Variants in TEK observed in about 807,000 individuals in gnomAD.
TEK encodes the protein TEK receptor tyrosine kinase, also known as angiopoietin-1 receptor.
Under a neutral mutation model 131.8 loss-of-function variants are expected in TEK, and 43 were observed. The observed-to-expected ratio is 0.33, with a 90% CI of 0.26 to 0.42. TEK has a LOEUF of 0.42. Ranked by LOEUF, TEK falls within the 10% of genes least tolerant of loss-of-function variation. The pLI is 1.00. For synonymous variants in TEK, 580 were observed against 491.6 expected (o/e 1.18, Z -2.38); for missense variants, 1,162 against 1,384.4 (o/e 0.84, Z 2.55).
intron 1 of TEK, among the ~76,000 whole-genome samples, chr9:27,118,748 A>G (rs1444357910): frequency 6.6e-6 from 1 of 152,182 alleles, no homozygotes; most frequent in Non-Finnish European, 1.5e-5. Flanking sequence ...TCTGCCAATC[A>G]CTGGTCACAG....
chr9:27,190,408 T>C (rs1181482947), intron 9 of TEK, 121 bp from the exon 10 acceptor site: 1 of 1,213,712 alleles, frequency 8.2e-7, no homozygotes. Flanking sequence ...TCACTGAGTC[T>C]GAGCAGAAAA....
intron 18 of TEK, among the ~76,000 whole-genome samples, chr9:27,214,491 T>C (rs1825746146): frequency 6.6e-6 from 1 of 152,210 alleles, no homozygotes; most frequent in Non-Finnish European, 1.5e-5. Context: ...GCACACCAAA[T>C]TGTCTCTTAG....
At position 27,142,993 on chromosome 9, in the gene TEK, C is replaced by T. The variant is rs182590597; in HGVS notation, c.53-14838C>T. Among the ~76,000 whole-genome samples the T allele has an allele frequency of 1.3e-3, 194 of 152,304 alleles. 2 individuals are homozygous for T. The highest frequency in any genetic ancestry group is 4.4e-3 in the African/African-American group (183 of 41,568). Reference sequence around the variant, plus strand: ...ATTGAAACACTGCTATTGTGAAACACAACTAGCAAACACTTGATAGTAGTG... The same window carrying T: ...ATTGAAACACTGCTATTGTGAAACATAACTAGCAAACACTTGATAGTAGTG... On this transcript the variant is annotated intron_variant, in intron 1 of 22. Transcript: ENST00000380036.
At chr9:27,200,283 A>G (rs890281123) in intron 12 of TEK, among the ~76,000 whole-genome samples, 6 of 152,174 alleles carry the variant, frequency 3.9e-5, no homozygotes, top group African/African-American at 9.7e-5. Flanking sequence ...ATGAATCACT[A>G]TTTCCTATTT....
At chr9:27,116,545 A>G (rs1292582840) in intron 1 of TEK, among the ~76,000 whole-genome samples, 1 of 152,156 alleles carries the variant, frequency 6.6e-6, no homozygotes, top group Admixed American at 6.5e-5. Context: ...GGCCTCCCAA[A>G]GTGCTGGGAT....
intron 13 of TEK, 27 bp from the exon 14 acceptor site, chr9:27,204,884 C>G: frequency 1.2e-6 from 2 of 1,613,190 alleles, no homozygotes; most frequent in Non-Finnish European, 1.7e-6. Context: ...ACTAAACTAC[C>G]TGCTTCACCT....
At chr9:27,113,396 C>T (rs1187462584) in intron 1 of TEK, among the ~76,000 whole-genome samples, 2 of 152,064 alleles carry the variant, frequency 1.3e-5, no homozygotes, top group Non-Finnish European at 2.9e-5. Context: ...CAAGACCATC[C>T]TAGCCAACAT....
At chr9:27,122,426 G>A (rs1189082915) in intron 1 of TEK, among the ~76,000 whole-genome samples, 1 of 152,270 alleles carries the variant, frequency 6.6e-6, no homozygotes, top group African/African-American at 2.4e-5. Context: ...TGAAAATTTG[G>A]GATAAAATGT....
At chr9:27,162,950 G>T (rs1350083570) in intron 2 of TEK, among the ~76,000 whole-genome samples, 3 of 152,134 alleles carry the variant, frequency 2.0e-5, no homozygotes, top group African/African-American at 7.2e-5. Flanking sequence ...TCCCGACCTT[G>T]TGATCCACCC....
intron 1 of TEK, among the ~76,000 whole-genome samples, chr9:27,136,546 C>CA (rs1564051423): frequency 6.6e-6 from 1 of 152,184 alleles, no homozygotes; most frequent in Non-Finnish European, 1.5e-5. Flanking sequence ...TCTCCACCCC[C>CA]AGACAGACAC....
chr9:27,222,144 C>G (rs1826109445), intron 21 of TEK, among the ~76,000 whole-genome samples: 1 of 152,030 alleles, frequency 6.6e-6, no homozygotes, highest in Admixed American at 6.6e-5. Flanking sequence ...ATATCAGATA[C>G]TGAAGATACA....
chr9:27,134,323 G>A (rs1194475052), intron 1 of TEK, among the ~76,000 whole-genome samples: 2 of 152,160 alleles, frequency 1.3e-5, no homozygotes, highest in African/African-American at 4.8e-5. Context: ...CAAACTCAAG[G>A]ATTTGTAGGA....
chr9:27,220,852 G>T (rs1826037108), intron 21 of TEK, among the ~76,000 whole-genome samples: 4 of 152,208 alleles, frequency 2.6e-5, no homozygotes, highest in Admixed American at 2.6e-4. Flanking sequence ...AAACTGGGTG[G>T]CCATTTCGGC....
chr9:27,128,189 G>A (rs951127453), intron 1 of TEK, among the ~76,000 whole-genome samples: 1 of 152,090 alleles, frequency 6.6e-6, no homozygotes. Context: ...TCAGCTTTCT[G>A]CATATGGCTA....
At chr9:27,126,388 AC>A (rs1821991126) in intron 1 of TEK, among the ~76,000 whole-genome samples, 1 of 152,190 alleles carries the variant, frequency 6.6e-6, no homozygotes, top group Non-Finnish European at 1.5e-5. Flanking sequence ...TAAATATATC[AC>A]AAAAAGGACA....
intron 21 of TEK, among the ~76,000 whole-genome samples, chr9:27,224,058 C>A (rs1433484820): frequency 1.3e-5 from 2 of 152,078 alleles, no homozygotes; most frequent in Admixed American, 6.5e-5. Flanking sequence ...ATGTTTAAAC[C>A]AGGAAGAAGT....
chr9:27,127,058 A>G (rs1402180757), intron 1 of TEK, among the ~76,000 whole-genome samples: 3 of 152,188 alleles, frequency 2.0e-5, no homozygotes, highest in Admixed American at 6.5e-5. Flanking sequence ...TACATGTACC[A>G]TGGTGGTTTG....
At chr9:27,139,921 C>T (rs1368097241) in intron 1 of TEK, among the ~76,000 whole-genome samples, 2 of 152,120 alleles carry the variant, frequency 1.3e-5, no homozygotes, top group African/African-American at 4.8e-5. Flanking sequence ...ATAACTGCTG[C>T]ATGGGCCGCC....
intron 1 of TEK, among the ~76,000 whole-genome samples, chr9:27,139,735 G>A (rs538769356): frequency 2.0e-5 from 3 of 152,054 alleles, no homozygotes; most frequent in African/African-American, 7.3e-5. Context: ...TGGTTTGAGA[G>A]TATTGTATGG....
Sources: allele counts gnomAD v4.1 joint callset (sites outside exome capture counted in the v4.1 genomes callset), GRCh38; gene constraint gnomAD v4.1.1; transcripts MANE v1.5; gene names NCBI Gene and HGNC (gene_info 2026-07-23, HGNC 2026-07-21).